The following USP24 variants were observed in gnomAD, a reference collection of about 807,000 sequenced individuals.
USP24 encodes ubiquitin specific peptidase 24, also known as ubiquitin carboxyl-terminal hydrolase 24.
In USP24, 97 loss-of-function variants were observed where a neutral mutation model predicts 361.6. The observed-to-expected ratio is 0.27, with a 90% CI of 0.23 to 0.32. The LOEUF (loss-of-function observed/expected upper bound fraction) is 0.32. Among genes scored for constraint, USP24 ranks in the 10% least tolerant of loss-of-function variants. USP24 has a pLI of 1.00. For synonymous variants in USP24, 1,098 were observed against 1,124.6 expected, an observed-to-expected ratio of 0.98 and a Z score of 0.47; for missense variants, 2,353 against 3,165.6, an observed-to-expected ratio of 0.74 and a Z score of 6.16.
At chr1:55,184,865 G>T (rs575319148) in intron 1 of USP24, among the ~76,000 whole-genome samples, 2 of 152,220 alleles carry the variant, frequency 1.3e-5, no homozygotes, top group African/African-American at 2.4e-5. Context: ...GTAAGAACGC[G>T]CTTTGAGACG....
intron 20 of USP24, 29 bp downstream of exon 20, chr1:55,145,969 G>A (rs1647018228): frequency 1.3e-6 from 2 of 1,494,270 alleles, no homozygotes; most frequent in African/African-American, 2.8e-5. Context: ...TAAAAGTACT[G>A]AAAAAAATGA....
chr1:55,106,318 A>T, intron 40 of USP24, 55 bp from the exon 41 acceptor site: 3 of 1,392,402 alleles, frequency 2.2e-6, no homozygotes, highest in Non-Finnish European at 3.0e-6. Flanking sequence ...TAATTCAAAG[A>T]TCCTATCTTG....
intron 28 of USP24, among the ~76,000 whole-genome samples, 166 bp downstream of exon 28, chr1:55,137,349 T>C (rs1442214798): frequency 6.6e-6 from 1 of 152,158 alleles, no homozygotes; most frequent in Non-Finnish European, 1.5e-5. Flanking sequence ...GGGCAGTAAC[T>C]GAAGGTGTAA....
chr1:55,114,974 G>C (rs1272197422), intron 38 of USP24, among the ~76,000 whole-genome samples: 1 of 151,058 alleles, frequency 6.6e-6, no homozygotes, highest in East Asian at 2.0e-4. Flanking sequence ...TAGAATGGGA[G>C]AAAATTTTTG....
intron 34 of USP24, 50 bp downstream of exon 34, chr1:55,125,270 A>C: frequency 6.4e-7 from 1 of 1,554,590 alleles, no homozygotes; most frequent in South Asian, 1.1e-5. Context: ...CCTAAACAGG[A>C]CATTCTGAAT....
chr1:55,142,799 A>C lies in USP24; in HGVS notation c.2581-4T>G, dbSNP rs751219824. The stretch of plus-strand genomic sequence containing the variant: ...TCTTATGTAAAGATACTGAATCCTG[A>C]AAGAGTATATGGAAATTACAATTAG... On this transcript the variant is annotated splice_polypyrimidine_tract_variant and splice_region_variant and intron_variant, in intron 22 of 67. Transcript: ENST00000294383. The C allele has an allele frequency of 1.3e-6, 2 of 1,539,426 alleles. No individual in the cohort carries two copies. The highest frequency in any genetic ancestry group is 3.9e-5 in the Admixed American group (2 of 50,678).
chr1:55,199,947 G>A (rs930209286), intron 1 of USP24, among the ~76,000 whole-genome samples: 1 of 152,116 alleles, frequency 6.6e-6, no homozygotes, highest in Non-Finnish European at 1.5e-5. Context: ...TTACATGGAC[G>A]GCAGCAGGCA....
chr1:55,181,257 C>T (rs1014832146), intron 1 of USP24, among the ~76,000 whole-genome samples: 1 of 152,002 alleles, frequency 6.6e-6, no homozygotes, highest in Non-Finnish European at 1.5e-5. Flanking sequence ...ATTTCTCCCC[C>T]CACCCCAACA....
At chr1:55,213,190 G>A (rs532134876) in intron 1 of USP24, among the ~76,000 whole-genome samples, 3 of 152,320 alleles carry the variant, frequency 2.0e-5, no homozygotes, top group African/African-American at 7.2e-5. Flanking sequence ...AACGAGGGAG[G>A]AGTGATAGGA....
chr1:55,210,781 C>T (rs1644829572), intron 1 of USP24, among the ~76,000 whole-genome samples: 1 of 152,098 alleles, frequency 6.6e-6, no homozygotes, highest in Admixed American at 6.5e-5. Flanking sequence ...CCAGAAAGAA[C>T]ATCCACATTA....
chr1:55,211,606 T>C (rs1166837701), intron 1 of USP24, among the ~76,000 whole-genome samples: 1 of 152,182 alleles, frequency 6.6e-6, no homozygotes, highest in African/African-American at 2.4e-5. Context: ...CTCAAACTGA[T>C]TTACCTAACT....
intron 37 of USP24, 35 bp from the exon 38 acceptor site, chr1:55,120,791 T>G (rs2100595397): frequency 6.6e-7 from 1 of 1,525,688 alleles, no homozygotes; most frequent in Non-Finnish European, 8.8e-7. Context: ...AGGACAGACA[T>G]GAATCAACAT....
In USP24 at chr1:55,068,948, T is replaced by A; in HGVS notation, c.*97A>T. 1 of 1,332,216 alleles carries A rather than the reference T, an allele frequency of 7.5e-7. No homozygotes were observed. The highest frequency in any genetic ancestry group is 1.2e-5 in the South Asian group (1 of 81,640). 82.5% of individuals were successfully genotyped at this position (1,332,216 alleles called of 1,614,324 possible). A position where few individuals can be genotyped will look rare whatever the true frequency, so the allele number is the denominator to read the frequency against. ...AGTCACAGCAGCTTTCCCAGTCCAA[T>A]CTCCAGGCTCTTCCAAAGGGTTCGA... On this transcript the variant is annotated 3_prime_UTR_variant, in exon 68 of 68. Coordinates refer to ENST00000294383, the MANE Select transcript of USP24 (RefSeq NM_015306.3).
intron 1 of USP24, among the ~76,000 whole-genome samples, chr1:55,204,679 C>A (rs916383176): frequency 1.3e-5 from 2 of 152,166 alleles, no homozygotes; most frequent in Admixed American, 1.3e-4. Flanking sequence ...AAGAAATCAA[C>A]CAGCCTTGAA....
chr1:55,071,108 C>G (rs78798587), intron 67 of USP24: 4 of 981,258 alleles, frequency 4.1e-6, no homozygotes, highest in Non-Finnish European at 4.8e-6. Flanking sequence ...TATGAGGATC[C>G]GAAAGATAAC....
chr1:55,179,723 T>C (rs1184159832), intron 1 of USP24, among the ~76,000 whole-genome samples: 1 of 152,018 alleles, frequency 6.6e-6, no homozygotes, highest in African/African-American at 2.4e-5. Flanking sequence ...AATTCCATTC[T>C]TAACACTTGG....
intron 65 of USP24, 114 bp from the exon 66 acceptor site, chr1:55,072,517 A>G: frequency 1.1e-6 from 1 of 869,942 alleles, no homozygotes; most frequent in Non-Finnish European, 1.7e-6. Context: ...GTACAAGTCT[A>G]CCCAGACCTT....
intron 7 of USP24, among the ~76,000 whole-genome samples, chr1:55,163,161 TA>T (rs1290163543): frequency 6.6e-6 from 1 of 151,748 alleles, no homozygotes; most frequent in Non-Finnish European, 1.5e-5. Context: ...AGGACTAAGT[TA>T]AAAAAATAAA....
chr1:55,156,890 C>T (rs766735646), intron 12 of USP24, 58 bp downstream of exon 12: 51 of 1,253,896 alleles, frequency 4.1e-5, no homozygotes, highest in Middle Eastern at 1.9e-4. Flanking sequence ...TCACCCTTTT[C>T]GCTCTCCTGT....
Sources: allele counts gnomAD v4.1 joint callset (sites outside exome capture counted in the v4.1 genomes callset), GRCh38; gene constraint gnomAD v4.1.1; transcripts MANE v1.5; gene names NCBI Gene and HGNC (gene_info 2026-07-23, HGNC 2026-07-21).